The following RBMS3 variants were observed in gnomAD, a reference collection of about 807,000 sequenced individuals.
RBMS3 encodes RNA-binding motif, single-stranded-interacting protein 3.
A neutral mutation model predicts 66.8 loss-of-function variants in RBMS3; 27 were observed. The observed-to-expected ratio is 0.40, with a 90% CI of 0.30 to 0.56. The LOEUF (loss-of-function observed/expected upper bound fraction) is 0.56, where lower values mean the gene tolerates loss of function less well. Ranked by LOEUF, RBMS3 falls within the 20% of genes least tolerant of loss-of-function variation. The pLI, the probability that RBMS3 is intolerant of heterozygous loss-of-function variation, is 0.40. For missense variants in RBMS3, 513 were observed against 549.5 expected (o/e 0.93, Z 0.66); for synonymous variants, 188 against 183.0 (o/e 1.03, Z -0.22).
intron 4 of RBMS3, among the ~76,000 whole-genome samples, chr3:29,636,527 T>A (rs2049481295): frequency 6.6e-6 from 1 of 151,904 alleles, no homozygotes; most frequent in Non-Finnish European, 1.5e-5. Flanking sequence ...AATTTCATTG[T>A]TATTTTGTCT....
intron 1 of RBMS3, among the ~76,000 whole-genome samples, chr3:29,406,320 C>A (rs79856208): frequency 6.6e-6 from 1 of 152,026 alleles, no homozygotes; most frequent in Non-Finnish European, 1.5e-5. Flanking sequence ...ACAAATTACA[C>A]GGTGGGATGA....
intron 2 of RBMS3, among the ~76,000 whole-genome samples, chr3:29,451,216 A>C (rs2042008081): frequency 6.6e-6 from 1 of 152,222 alleles, no homozygotes; most frequent in Non-Finnish European, 1.5e-5. Context: ...ACTTTACAGA[A>C]AACTCAATTT....
chr3:29,939,646 G>C (rs1284962558), intron 11 of RBMS3, among the ~76,000 whole-genome samples: 2 of 151,776 alleles, frequency 1.3e-5, no homozygotes, highest in East Asian at 3.9e-4. Flanking sequence ...GGTTTTTCTG[G>C]TTCTCCTCAG....
intron 4 of RBMS3, among the ~76,000 whole-genome samples, chr3:29,598,607 A>G (rs978170994): frequency 3.3e-5 from 5 of 152,030 alleles, no homozygotes; most frequent in African/African-American, 1.2e-4. Flanking sequence ...CATATCAACC[A>G]TATCATATTG....
chr3:29,446,803 AGATT>A (rs1227031686), intron 2 of RBMS3, among the ~76,000 whole-genome samples: 5 of 151,710 alleles, frequency 3.3e-5, no homozygotes. Context: ...CTGAATCTAT[AGATT>A]GAATTTGACT....
chr3:29,311,920 T>A (rs2034401317), intron 1 of RBMS3, among the ~76,000 whole-genome samples: 1 of 151,834 alleles, frequency 6.6e-6, no homozygotes, highest in African/African-American at 2.4e-5. Flanking sequence ...GGTTTCCTTA[T>A]TTGGAAATGA....
intron 1 of RBMS3, among the ~76,000 whole-genome samples, chr3:29,283,771 T>C (rs2032026968): frequency 6.6e-6 from 1 of 152,208 alleles, no homozygotes; most frequent in Non-Finnish European, 1.5e-5. Context: ...TTGATTATTA[T>C]GTTGTAAAAT....
intron 1 of RBMS3, among the ~76,000 whole-genome samples, chr3:29,292,561 T>A (rs1476027082): frequency 6.6e-6 from 1 of 151,866 alleles, no homozygotes; most frequent in African/African-American, 2.4e-5. Flanking sequence ...GGAAATCTTA[T>A]TGATTAATTC....
chr3:29,868,736 T>C lies in RBMS3; in HGVS notation c.638-122T>C, dbSNP rs139720038. 4,971 of 874,480 alleles carry C rather than the reference T, an allele frequency of 5.7e-3. 25 individuals are homozygous for C. Among genetic ancestry groups the C allele is most frequent in the Non-Finnish European group, 6.9e-3 (3,927 of 571,616 alleles). 54.2% of individuals were successfully genotyped at this position (874,480 alleles called of 1,614,324 possible). ...GCTGAGACTAAAAGGGGGCCAAATA[T>C]CTCTTCAGAAGCAAGATGTTACTTC... is the stretch of plus-strand genomic sequence containing the variant. On this transcript the variant is annotated intron_variant, in intron 6 of 14. Transcript: ENST00000383767.
chr3:29,958,691 T>C (rs1457587948), intron 12 of RBMS3, among the ~76,000 whole-genome samples: 1 of 152,164 alleles, frequency 6.6e-6, no homozygotes, highest in Non-Finnish European at 1.5e-5. Context: ...TTTAAGTTCA[T>C]TTGAAGAATT....
intron 2 of RBMS3, among the ~76,000 whole-genome samples, chr3:29,454,335 A>T (rs1458002433): frequency 6.6e-6 from 1 of 152,198 alleles, no homozygotes; most frequent in Non-Finnish European, 1.5e-5. Context: ...GACTCTGGCA[A>T]GATTAGTTTC....
intron 1 of RBMS3, among the ~76,000 whole-genome samples, chr3:29,404,497 G>C (rs915363082): frequency 6.6e-6 from 1 of 152,122 alleles, no homozygotes; most frequent in African/African-American, 2.4e-5. Context: ...AATGAGTGAA[G>C]AGCATGTTTT....
chr3:29,788,223 A>T (rs1205788184), intron 6 of RBMS3, among the ~76,000 whole-genome samples: 2 of 147,954 alleles, frequency 1.4e-5, no homozygotes, highest in Non-Finnish European at 3.0e-5. Flanking sequence ...TTTTTGGAAA[A>T]AAATGGTAAT....
chr3:29,588,382 T>C (rs987412494), intron 4 of RBMS3, among the ~76,000 whole-genome samples: 2 of 152,100 alleles, frequency 1.3e-5, no homozygotes, highest in Admixed American at 6.6e-5. Flanking sequence ...AGTTGAGTGA[T>C]AGAATGATAA....
intron 6 of RBMS3, among the ~76,000 whole-genome samples, chr3:29,806,049 G>A (rs2057536647): frequency 6.6e-6 from 1 of 151,804 alleles, no homozygotes; most frequent in African/African-American, 2.4e-5. Context: ...ACTAATTTTT[G>A]TTCAAAATAT....
intron 6 of RBMS3, among the ~76,000 whole-genome samples, chr3:29,798,884 C>A (rs1037092662): frequency 6.6e-6 from 1 of 150,474 alleles, no homozygotes; most frequent in African/African-American, 2.4e-5. Flanking sequence ...TTTTATACAC[C>A]CAAGTTCTTT....
chr3:29,345,507 C>G (rs1434752979), intron 1 of RBMS3, among the ~76,000 whole-genome samples: 1 of 152,036 alleles, frequency 6.6e-6, no homozygotes, highest in Non-Finnish European at 1.5e-5. Context: ...TAATTTTTTC[C>G]CCCATTGCTT....
At chr3:29,286,475 G>A (rs1434019533) in intron 1 of RBMS3, among the ~76,000 whole-genome samples, 1 of 151,974 alleles carries the variant, frequency 6.6e-6, no homozygotes, top group East Asian at 1.9e-4. Context: ...TCTCCAGAAT[G>A]GATTCAAACT....
chr3:29,579,441 T>C (rs1315490171), intron 3 of RBMS3, among the ~76,000 whole-genome samples: 1 of 152,190 alleles, frequency 6.6e-6, no homozygotes, highest in South Asian at 2.1e-4. Flanking sequence ...TCTACCCATC[T>C]GTAAGTCTAG....
Sources: allele counts gnomAD v4.1 joint callset (sites outside exome capture counted in the v4.1 genomes callset), GRCh38; gene constraint gnomAD v4.1.1; transcripts MANE v1.5; gene names NCBI Gene and HGNC (gene_info 2026-07-23, HGNC 2026-07-21).